DMD: variants seen among roughly 807,000 people sequenced by gnomAD.
DMD encodes the protein dystrophin, also known as mutant dystrophin.
In DMD, 63 loss-of-function variants were observed where a neutral mutation model predicts 330.1. The ratio of observed to expected loss-of-function variants is 0.19; its 90% CI spans 0.16 to 0.24. The LOEUF is 0.24. DMD is among the 10% of genes least tolerant of loss of function. The pLI is 1.00. For synonymous variants in DMD, 1,223 were observed against 959.8 expected, an observed-to-expected ratio of 1.27 and a Z score of -5.07; for missense variants, 3,344 against 2,684.1, an observed-to-expected ratio of 1.25 and a Z score of -5.43.
At chrX:32,908,133 T>G (rs2086884611) in intron 2 of DMD, among the ~76,000 whole-genome samples, 1 of 112,354 alleles carries the variant, frequency 8.9e-6, no homozygotes, top group African/African-American at 3.2e-5. Context: ...ATTTAAAATG[T>G]GATGTAGGCT....
At chrX:31,780,348 G>A (rs1254871558) in intron 50 of DMD, among the ~76,000 whole-genome samples, 1 of 111,350 alleles carries the variant, frequency 9.0e-6, no homozygotes, top group Non-Finnish European at 1.9e-5. Flanking sequence ...ATAAGTTATT[G>A]GGCTCACATT....
intron 7 of DMD, among the ~76,000 whole-genome samples, chrX:32,751,702 C>G (rs777978842): frequency 8.9e-6 from 1 of 112,246 alleles, no homozygotes; most frequent in Non-Finnish European, 1.9e-5. Flanking sequence ...CTCCAGGGCA[C>G]GTCAGAGACC....
chrX:31,369,607 G>A (rs2059436474), intron 60 of DMD, among the ~76,000 whole-genome samples: 1 of 111,420 alleles, frequency 9.0e-6, no homozygotes, highest in Admixed American at 9.5e-5. Flanking sequence ...AGGGTGGATT[G>A]GGACAAAAGG....
At chrX:32,787,435 G>T (rs1192259519) in intron 7 of DMD, among the ~76,000 whole-genome samples, 1 of 110,498 alleles carries the variant, frequency 9.0e-6, no homozygotes, top group East Asian at 2.8e-4. Flanking sequence ...GAGTGGGAAG[G>T]TCACAGGAAG....
At chrX:32,779,969 T>C (rs372896259) in intron 7 of DMD, among the ~76,000 whole-genome samples, 2 of 112,089 alleles carry the variant, frequency 1.8e-5, no homozygotes, top group South Asian at 3.7e-4. Flanking sequence ...AATTATGTGG[T>C]CATTTTATAT....
chrX:31,304,066 A>C (rs2054849849), intron 62 of DMD, among the ~76,000 whole-genome samples: 1 of 112,518 alleles, frequency 8.9e-6, no homozygotes, highest in South Asian at 3.6e-4. Flanking sequence ...ATTTAAGTGC[A>C]TTAGAATTAA....
intron 25 of DMD, among the ~76,000 whole-genome samples, chrX:32,456,770 G>A (rs2098361154): frequency 9.2e-6 from 1 of 108,709 alleles, no homozygotes; most frequent in Non-Finnish European, 1.9e-5. Flanking sequence ...GATTTGGCTT[G>A]AATAAGTGGA....
chrX:32,982,454 AAC>A (rs1255018292), intron 2 of DMD, among the ~76,000 whole-genome samples: 4 of 112,101 alleles, frequency 3.6e-5, no homozygotes, highest in Non-Finnish European at 5.6e-5. Flanking sequence ...TTATAATATA[AAC>A]AGTTTTTTAA....
intron 63 of DMD, among the ~76,000 whole-genome samples, chrX:31,247,222 A>C (rs1009335042): frequency 8.9e-6 from 1 of 111,788 alleles, no homozygotes; most frequent in African/African-American, 3.3e-5. Flanking sequence ...TGTGACTTTC[A>C]ACTCTTATTA....
At chrX:32,053,705 C>T (rs765341578) in intron 44 of DMD, among the ~76,000 whole-genome samples, 4 of 111,468 alleles carry the variant, frequency 3.6e-5, no homozygotes, top group Admixed American at 1.9e-4. Context: ...ACTTCTCACC[C>T]GTTAAGGTTG....
chrX:32,486,698 A>C (rs1347722278), intron 20 of DMD, among the ~76,000 whole-genome samples: 6 of 105,879 alleles, frequency 5.7e-5, no homozygotes, highest in Non-Finnish European at 9.7e-5. Context: ...ATAACGCCGC[A>C]TACCTACAAC....
chrX:32,810,139 G>A (rs1425716447), intron 6 of DMD, among the ~76,000 whole-genome samples: 1 of 109,604 alleles, frequency 9.1e-6, no homozygotes, highest in African/African-American at 3.3e-5. Context: ...GAATGCTGAG[G>A]ATGTATACCT....
chrX:33,148,190 C>T (rs765044298), intron 1 of DMD, among the ~76,000 whole-genome samples: 1 of 112,335 alleles, frequency 8.9e-6, no homozygotes, highest in South Asian at 3.6e-4. Context: ...ACCAGTACTG[C>T]TCAAGAAGCA....
rs138286802 is a variant in DMD, at chrX:33,134,330, A to G, written c.31+76952T>C. Among the ~76,000 whole-genome samples the G allele has an allele frequency of 3.6e-3, 398 of 111,783 alleles. 1 individual carries two copies. Among genetic ancestry groups the G allele is most frequent in the African/African-American group, 0.012 (376 of 30,808 alleles). On this transcript the variant is annotated intron_variant, in intron 1 of 78. Coordinates refer to ENST00000357033, the MANE Select transcript of DMD (RefSeq NM_004006.3). ...AAGAATATTTCTGGCAACAAAACCC[A>G]TCAACTATAGGCGGTATATATCTAA...
chrX:32,463,745 AT>A, intron 24 of DMD, 151 bp from the exon 25 acceptor site: 2 of 442,274 alleles, frequency 4.5e-6, no homozygotes, highest in South Asian at 1.4e-4. Flanking sequence ...ATTGATATAG[AT>A]GACTGCCTAA....
chrX:31,207,944 C>A (rs939707288), intron 65 of DMD, among the ~76,000 whole-genome samples: 1 of 110,757 alleles, frequency 9.0e-6, no homozygotes, highest in South Asian at 3.9e-4. Context: ...TACAACAAAC[C>A]CCCGTGACGT....
At chrX:31,701,805 A>G (rs1475641122) in intron 52 of DMD, among the ~76,000 whole-genome samples, 1 of 112,450 alleles carries the variant, frequency 8.9e-6, no homozygotes, top group East Asian at 2.8e-4. Context: ...AGAAATGCAG[A>G]ATCTCAGGCT....
At chrX:31,829,829 A>T (rs2092980623) in intron 49 of DMD, among the ~76,000 whole-genome samples, 1 of 112,292 alleles carries the variant, frequency 8.9e-6, no homozygotes, top group Admixed American at 9.5e-5. Context: ...ATACATTCGA[A>T]TATTGTAACT....
chrX:32,216,917 T>A lies in DMD; in HGVS notation c.6437A>T (p.Lys2146Met). ...CGAAAAAACAAATCAAAGACTTACC[T>A]TAAGATACCATTTGTATTTAGCATG... Reference protein sequence around the residue: ...WEHAKYKWYLKELQDGIGQRQ... With the variant: ...WEHAKYKWYLMELQDGIGQRQ... Residue 2146 changes from lysine to methionine, a missense_variant and splice_region_variant, in exon 44 of 79, where the codon AAG (lysine) becomes ATG (methionine). Lys to Met is a moderately conservative substitution (Grantham distance 95). Coordinates refer to ENST00000357033, the MANE Select transcript of DMD (RefSeq NM_004006.3). The A allele has an allele frequency of 8.3e-7, 1 of 1,208,230 alleles. No individual in the cohort carries two copies. The highest frequency in any genetic ancestry group is 1.1e-6 in the Non-Finnish European group (1 of 892,851).
Sources: gnomAD v4.1 joint callset for allele counts (sites outside exome capture counted in the v4.1 genomes callset) on GRCh38, gnomAD v4.1.1 for gene constraint, MANE v1.5 for transcripts, NCBI Gene and HGNC (gene_info 2026-07-23, HGNC 2026-07-21) for gene names.